The following TNRC6A variants were observed in gnomAD, a reference collection of about 807,000 sequenced individuals.
TNRC6A encodes the protein trinucleotide repeat-containing gene 6A protein.
A neutral mutation model predicts 221.2 loss-of-function variants in TNRC6A; 44 were observed. The observed-to-expected ratio is 0.20, with a 90% CI of 0.16 to 0.26. The LOEUF (loss-of-function observed/expected upper bound fraction) is 0.26. TNRC6A is among the 10% of genes least tolerant of loss of function. The pLI is 1.00. For missense variants in TNRC6A, 2,199 were observed against 2,404.4 expected (o/e 0.91, Z 1.79); for synonymous variants, 847 against 838.5 (o/e 1.01, Z -0.18).
intron 2 of TNRC6A, among the ~76,000 whole-genome samples, chr16:24,713,458 AT>A (rs1320300049): frequency 3.3e-3 from 223 of 68,550 alleles, no homozygotes; most frequent in Admixed American, 9.7e-3. Context: ...ACAAAAAAAT[AT>A]ATATATATAT....
At chr16:24,759,884 G>T (rs773308846) in intron 4 of TNRC6A, among the ~76,000 whole-genome samples, 17 of 152,176 alleles carry the variant, frequency 1.1e-4, no homozygotes, top group Non-Finnish European at 1.8e-4. Context: ...TTACAAGGAT[G>T]CGGAATGTAG....
At chr16:24,805,466 T>C in intron 14 of TNRC6A, 139 bp from the exon 15 acceptor site, 1 of 1,256,256 alleles carries the variant, frequency 8.0e-7, no homozygotes, top group Non-Finnish European at 1.1e-6. Flanking sequence ...GGTCAGTTAG[T>C]AAGACAGAGA....
Position 24,756,998 on chromosome 16 carries a change from A to G in TNRC6A, c.142-1341A>G, listed in dbSNP as rs147863901. On this transcript the variant is annotated intron_variant, in intron 3 of 24. Transcript: ENST00000395799. ...GTTTGACATGACATTTCTGATACCT[A>G]AAAGTGTTCATATACTAACTTCTCT... Among the ~76,000 whole-genome samples the G allele has an allele frequency of 7.3e-4, 111 of 152,306 alleles. 2 individuals carry two copies. Among genetic ancestry groups the G allele is most frequent in the African/African-American group, 2.6e-3 (107 of 41,562 alleles).
chr16:24,746,524 G>A (rs2057014132), intron 2 of TNRC6A, among the ~76,000 whole-genome samples: 1 of 152,188 alleles, frequency 6.6e-6, no homozygotes, highest in Non-Finnish European at 1.5e-5. Flanking sequence ...GTATTCCTTG[G>A]TGTGATTACA....
At chr16:24,649,456 G>A (rs1902506940) in intron 2 of TNRC6A, among the ~76,000 whole-genome samples, 1 of 151,880 alleles carries the variant, frequency 6.6e-6, no homozygotes, top group Non-Finnish European at 1.5e-5. Context: ...CCACAGATGT[G>A]CACCACCACA....
At chr16:24,639,979 G>T (rs1901854011) in intron 1 of TNRC6A, among the ~76,000 whole-genome samples, 1 of 152,150 alleles carries the variant, frequency 6.6e-6, no homozygotes, top group African/African-American at 2.4e-5. Context: ...TTTTGACAGT[G>T]ATAATAGAGA....
At chr16:24,822,006 A>G in intron 22 of TNRC6A, 71 bp from the exon 23 acceptor site, 1 of 1,429,140 alleles carries the variant, frequency 7.0e-7, no homozygotes, top group Non-Finnish European at 9.9e-7. Context: ...AGGCCAGGTG[A>G]TCTGCTAAGT....
chr16:24,715,484 T>G (rs1294756102), intron 2 of TNRC6A, among the ~76,000 whole-genome samples: 1 of 152,164 alleles, frequency 6.6e-6, no homozygotes, highest in African/African-American at 2.4e-5. Context: ...CTAATGTCTG[T>G]GAATTACAAG....
intron 2 of TNRC6A, among the ~76,000 whole-genome samples, chr16:24,651,590 G>C (rs577157372): frequency 6.8e-6 from 1 of 148,086 alleles, no homozygotes; most frequent in Admixed American, 6.8e-5. Flanking sequence ...TTGGCACGGT[G>C]ACTCACCCCT....
chr16:24,765,259 T>G (rs2057448709), intron 4 of TNRC6A, among the ~76,000 whole-genome samples: 1 of 152,164 alleles, frequency 6.6e-6, no homozygotes, highest in African/African-American at 2.4e-5. Context: ...AGGAGAAAAC[T>G]GAGGCTCAAG....
chr16:24,610,603 G>A (rs538641514), intron 1 of TNRC6A: 1 of 152,438 alleles, frequency 6.6e-6, no homozygotes, highest in South Asian at 2.1e-4. Flanking sequence ...GCTCTGGGGA[G>A]CTGCGGCTCT....
chr16:24,770,323 T>G (rs531749389), intron 4 of TNRC6A, among the ~76,000 whole-genome samples: 34 of 152,192 alleles, frequency 2.2e-4, no homozygotes, highest in African/African-American at 7.5e-4. Context: ...CAAAAGTGGT[T>G]TTATGATACA....
intron 5 of TNRC6A, among the ~76,000 whole-genome samples, chr16:24,784,233 C>T (rs1185418292): frequency 6.6e-6 from 1 of 152,196 alleles, no homozygotes; most frequent in Non-Finnish European, 1.5e-5. Flanking sequence ...GGCTCTTGAC[C>T]TCAGTTGATC....
rs1383245867 is a variant in TNRC6A at position 24,717,000 on chromosome 16, GAATA to G, written n.403-33725_403-33722del. Among the ~76,000 whole-genome samples, 7 of 138,178 alleles carry G rather than the reference GAATA, an allele frequency of 5.1e-5. No homozygotes were observed. The East Asian group carries it at 5.9e-4, about 12-fold the overall frequency. The allele number at this position is 138,178 out of a possible 152,430, so 90.7% of individuals were successfully genotyped here. ...AAAAAAAAAGAAAACTTGAATGAAT[GAATA>G]GATGAACTGATTAATAAATGAATAC... is the stretch of plus-strand genomic sequence containing the variant. On this transcript the variant is annotated intron_variant and non_coding_transcript_variant, in intron 2 of 2. Transcript: ENST00000566108.
At chr16:24,630,739 C>A (rs1306305456) in intron 1 of TNRC6A, among the ~76,000 whole-genome samples, 2 of 152,186 alleles carry the variant, frequency 1.3e-5, no homozygotes, top group African/African-American at 4.8e-5. Context: ...CCCCTTTAGG[C>A]AAGGGATTCA....
chr16:24,745,634 A>G (rs1194105999), intron 2 of TNRC6A, among the ~76,000 whole-genome samples: 1 of 152,100 alleles, frequency 6.6e-6, no homozygotes, highest in Admixed American at 6.6e-5. Context: ...AAAGCAAAAT[A>G]GAGACACCTA....
At chr16:24,670,159 AG>A (rs1280219408) in intron 2 of TNRC6A, among the ~76,000 whole-genome samples, 1 of 151,838 alleles carries the variant, frequency 6.6e-6, no homozygotes, top group Admixed American at 6.6e-5. Flanking sequence ...CGTGTTGCCC[AG>A]GCTGGTCTTG....
chr16:24,704,967 T>C lies in TNRC6A; in HGVS notation n.403-45759T>C, dbSNP rs377575017. On this transcript the variant is annotated intron_variant and non_coding_transcript_variant, in intron 2 of 2. Coordinates refer to the TNRC6A transcript ENST00000566108. ...CAGCATGGGCAACATAACGAGACCC[T>C]GTCTCTACAAAAAAATTTAAAATGA... is the stretch of plus-strand genomic sequence containing the variant. Among the ~76,000 whole-genome samples the C allele has an allele frequency of 2.6e-5, 4 of 152,050 alleles. No homozygotes were observed. In the South Asian group the frequency reaches 6.2e-4, roughly 24 times the overall value.
intron 5 of TNRC6A, among the ~76,000 whole-genome samples, chr16:24,788,813 T>C (rs780033308): frequency 1.4e-4 from 21 of 152,116 alleles, no homozygotes; most frequent in Non-Finnish European, 2.6e-4. Flanking sequence ...CATGCCCGGC[T>C]AATTTTTTGT....
Sources: gnomAD v4.1 joint callset for allele counts (sites outside exome capture counted in the v4.1 genomes callset) on GRCh38, gnomAD v4.1.1 for gene constraint, MANE v1.5 for transcripts, NCBI Gene and HGNC (gene_info 2026-07-23, HGNC 2026-07-21) for gene names.